Variants in ADH5 observed in about 807,000 individuals in gnomAD.
ADH5 encodes the protein alcohol dehydrogenase 5 (class III), chi polypeptide, also known as alcohol dehydrogenase class-3.
In ADH5, 32 loss-of-function variants were observed where a neutral mutation model predicts 40.3. The observed-to-expected ratio is 0.79, with a 90% confidence interval of 0.60 to 1.07. The LOEUF is 1.07. Among genes scored for constraint, ADH5 ranks in the 50% least tolerant of loss-of-function variants. The pLI is 0.00. For missense variants in ADH5, 353 were observed against 460.5 expected, an observed-to-expected ratio of 0.77 and a Z score of 2.14; for synonymous variants, 125 against 154.3, an observed-to-expected ratio of 0.81 and a Z score of 1.41.
chr4:99,075,550 T>C (rs1021926473), intron 6 of ADH5: 3 of 152,256 alleles, frequency 2.0e-5, no homozygotes, highest in Non-Finnish European at 4.4e-5. Context: ...AATATTAACA[T>C]AAATTAAAAT....
intron 2 of ADH5, among the ~76,000 whole-genome samples, chr4:99,083,019 T>C (rs1208740475): frequency 6.6e-6 from 1 of 152,098 alleles, no homozygotes; most frequent in Non-Finnish European, 1.5e-5. Context: ...AAAGGCAAAA[T>C]CTTGGAGTAT....
intron 1 of ADH5, among the ~76,000 whole-genome samples, chr4:99,088,342 G>A (rs1409697216): frequency 1.3e-5 from 2 of 152,168 alleles, no homozygotes; most frequent in Non-Finnish European, 1.5e-5. Flanking sequence ...CCCAGAGCGA[G>A]TTACTTAATT....
chr4:99,088,733 C>T lies in ADH5; in HGVS notation c.-33G>A. 1.3e-6 allele frequency: 2 copies of T among 1,565,752 alleles called. No individual in the cohort carries two copies. Among genetic ancestry groups the T allele is most frequent in the Non-Finnish European group, 1.7e-6 (2 of 1,152,280 alleles). ...GATTCTGGTCGGCGCGGGGGGCTGA[C>T]ATCCGGGGTGGGCCGCGCAGCGACG... On this transcript the variant is annotated 5_prime_UTR_variant, in exon 1 of 9. An upstream start codon of the reference 5' UTR is lost. Transcript: ENST00000296412.
At chr4:99,082,644 G>C (rs1426017156) in intron 2 of ADH5, among the ~76,000 whole-genome samples, 1 of 152,086 alleles carries the variant, frequency 6.6e-6, no homozygotes, top group Non-Finnish European at 1.5e-5. Flanking sequence ...ATTTAAATAA[G>C]CCTGTTATCT....
chr4:99,081,899 A>T, intron 3 of ADH5, 76 bp downstream of exon 3: 1 of 1,455,674 alleles, frequency 6.9e-7, no homozygotes, highest in Non-Finnish European at 9.5e-7. Flanking sequence ...AATAGTGGGT[A>T]GTTTTATCAG....
Position 99,088,654 on chromosome 4 carries a change from C to T in ADH5, c.12+35G>A. Reference sequence around the variant, plus strand: ...TAGTCCCATGCCATGCACTCCCTCCCTTGGACTCAGGGCCCTCCGCTCAAC... The same window carrying T: ...TAGTCCCATGCCATGCACTCCCTCCTTTGGACTCAGGGCCCTCCGCTCAAC... On this transcript the variant is annotated intron_variant, in intron 1 of 8. Transcript: ENST00000296412. 3.1e-6 allele frequency: 5 copies of T among 1,602,706 alleles called. 1 individual carries two copies. The highest frequency in any genetic ancestry group is 2.2e-5 in the South Asian group (2 of 89,326).
chr4:99,072,714 A>G lies in ADH5; in HGVS notation c.962-3T>C. On this transcript the variant is annotated splice_polypyrimidine_tract_variant and splice_region_variant and intron_variant, in intron 7 of 8. Transcript: ENST00000296412. Reference sequence around the variant, plus strand: ...GACACTTTCTACACTCTTCCATCCTAAAAGAAATCACACATTAATTTATTC... The same window carrying G: ...GACACTTTCTACACTCTTCCATCCTGAAAGAAATCACACATTAATTTATTC... 3 of 1,601,658 alleles carry G rather than the reference A, an allele frequency of 1.9e-6. No individual in the cohort carries two copies. The highest frequency in any genetic ancestry group is 2.6e-6 in the Non-Finnish European group (3 of 1,176,334).
chr4:99,085,651 G>A (rs527334604), intron 1 of ADH5: 47 of 306,240 alleles, frequency 1.5e-4, no homozygotes, highest in South Asian at 1.4e-3. Context: ...GTGGGAAGGA[G>A]GATTAGGAGT....
intron 1 of ADH5, among the ~76,000 whole-genome samples, chr4:99,088,395 C>G (rs1728191514): frequency 6.6e-6 from 1 of 152,204 alleles, no homozygotes. Flanking sequence ...GCCATTTCCA[C>G]TGGGATACCG....
At chr4:99,080,297 A>C (rs551024123) in intron 4 of ADH5, among the ~76,000 whole-genome samples, 2 of 152,386 alleles carry the variant, frequency 1.3e-5, no homozygotes, top group South Asian at 2.1e-4. Flanking sequence ...AGTTGAAAGA[A>C]AAATGAGCCA....
At chr4:99,087,013 A>G (rs1461817598) in intron 1 of ADH5, among the ~76,000 whole-genome samples, 2 of 152,030 alleles carry the variant, frequency 1.3e-5, no homozygotes, top group African/African-American at 4.8e-5. Flanking sequence ...GCTTTGCAAA[A>G]TAAGTTAGTA....
In ADH5 at chr4:99,085,227, GA is replaced by G; in HGVS notation, c.13-12del. On this transcript the variant is annotated splice_polypyrimidine_tract_variant and intron_variant, in intron 1 of 8. Coordinates refer to ENST00000296412, the MANE Select transcript of ADH5 (RefSeq NM_000671.4). ...CTTGCACTTGATAACCTGAAGTGGG[GA>G]AAAAAGGGAATAAGCTGTTTATCCT... 1.3e-5 allele frequency: 19 copies of G among 1,423,690 alleles called. No homozygotes were observed. The highest frequency in any genetic ancestry group is 5.2e-5 in the East Asian group (2 of 38,628). 88.2% of individuals were successfully genotyped at this position (1,423,690 alleles called of 1,614,324 possible).
At position 99,072,092 on chromosome 4, in the gene ADH5, T is replaced by A. The variant is rs2110457042; in HGVS notation, c.*325A>T. On this transcript the variant is annotated 3_prime_UTR_variant, in exon 9 of 9. Transcript: ENST00000296412. ...CTTCCTTTCCCTTTCCCTTGCAGAA[T>A]GAAGATAATGGGCAGACAAACCGTG... The A allele has an allele frequency of 4.0e-6, 1 of 252,278 alleles. No individual in the cohort carries two copies. The highest frequency in any genetic ancestry group is 1.2e-3 in the Middle Eastern group (1 of 864). 15.6% of individuals were successfully genotyped at this position (252,278 alleles called of 1,614,324 possible).
In ADH5 at chr4:99,071,493, T is replaced by C. The variant is rs537078417; in HGVS notation, c.*924A>G. The C allele has an allele frequency of 6.6e-6, 1 of 152,286 alleles. No individual in the cohort carries two copies. Among genetic ancestry groups the C allele is most frequent in the East Asian group, 1.9e-4 (1 of 5,184 alleles). The allele number at this position is 152,286 out of a possible 1,614,324, so 9.4% of individuals were successfully genotyped here. On this transcript the variant is annotated 3_prime_UTR_variant, in exon 9 of 9. Coordinates refer to ENST00000296412, the MANE Select transcript of ADH5 (RefSeq NM_000671.4). ...GAATTCTGCTACACAGGACTAAAATTAATGAACGAGAGCTTCAGATATAAT... is the reference window on the plus strand; with the variant it reads ...GAATTCTGCTACACAGGACTAAAATCAATGAACGAGAGCTTCAGATATAAT...
At chr4:99,083,489 A>G (rs1728067193) in intron 2 of ADH5, among the ~76,000 whole-genome samples, 1 of 149,840 alleles carries the variant, frequency 6.7e-6, no homozygotes, top group South Asian at 2.2e-4. Context: ...AATCCCAGCT[A>G]CTAGGGAGGC....
At chr4:99,084,959 G>A (rs17028500) in intron 2 of ADH5, among the ~76,000 whole-genome samples, 156 bp downstream of exon 2, 4,497 of 152,314 alleles carry the variant, frequency 0.03, 64 homozygotes, top group Admixed American at 0.04. Context: ...TGAAAGATAA[G>A]AGAAGGATGT....
At chr4:99,088,389 T>C (rs1728191107) in intron 1 of ADH5, among the ~76,000 whole-genome samples, 1 of 152,098 alleles carries the variant, frequency 6.6e-6, no homozygotes. Flanking sequence ...TCCTAAGCCA[T>C]TTCCACTGGG....
intron 4 of ADH5, among the ~76,000 whole-genome samples, chr4:99,077,758 A>C (rs1370387399): frequency 6.6e-6 from 1 of 152,220 alleles, no homozygotes; most frequent in African/African-American, 2.4e-5. Context: ...GAAAACCCAA[A>C]AAGCTTACAA....
intron 4 of ADH5, among the ~76,000 whole-genome samples, chr4:99,078,930 A>T (rs1727975958): frequency 6.6e-6 from 1 of 152,226 alleles, no homozygotes; most frequent in African/African-American, 2.4e-5. Flanking sequence ...TTTCAAAGTG[A>T]TTAGATTTTT....
Sources: allele counts gnomAD v4.1 joint callset (sites outside exome capture counted in the v4.1 genomes callset), GRCh38; gene constraint gnomAD v4.1.1; transcripts MANE v1.5; gene names NCBI Gene and HGNC (gene_info 2026-07-23, HGNC 2026-07-21).